Variants in SFSWAP observed in about 807,000 individuals in gnomAD.
SFSWAP encodes splicing factor, suppressor of white-apricot homolog.
In SFSWAP, 17 loss-of-function variants were observed where a neutral mutation model predicts 100.7. The ratio of observed to expected loss-of-function variants is 0.17; its 90% CI spans 0.12 to 0.25. SFSWAP has a LOEUF of 0.25. SFSWAP is among the 10% of genes least tolerant of loss of function. The pLI, the probability that SFSWAP is intolerant of heterozygous loss-of-function variation, is 1.00. For missense variants in SFSWAP, 1,005 were observed against 1,262.6 expected, an observed-to-expected ratio of 0.80 and a Z score of 3.09; for synonymous variants, 504 against 510.1, an observed-to-expected ratio of 0.99 and a Z score of 0.16.
intron 5 of SFSWAP, among the ~76,000 whole-genome samples, chr12:131,726,640 C>A (rs1438473586): frequency 6.6e-6 from 1 of 152,056 alleles, no homozygotes; most frequent in African/African-American, 2.4e-5. Flanking sequence ...TTTCATAAAT[C>A]AGTACAATTT....
chr12:131,748,313 A>G (rs936254118), intron 7 of SFSWAP, among the ~76,000 whole-genome samples: 12 of 151,162 alleles, frequency 7.9e-5, no homozygotes, highest in African/African-American at 2.9e-4. Context: ...CAGCCTCCCA[A>G]GTAGCTAATA....
chr12:131,783,370 T>A (rs1884638778), intron 14 of SFSWAP: 1 of 152,204 alleles, frequency 6.6e-6, no homozygotes, highest in Non-Finnish European at 1.5e-5. Context: ...TTTGCTAAGA[T>A]AGTCTCTTGT....
chr12:131,753,573 C>A (rs906439804), intron 8 of SFSWAP: 2 of 629,972 alleles, frequency 3.2e-6, no homozygotes, highest in Non-Finnish European at 5.3e-6. Flanking sequence ...TGAAGTTAAA[C>A]CACTTATAAA....
intron 13 of SFSWAP, among the ~76,000 whole-genome samples, chr12:131,768,988 G>A (rs1429365315): frequency 3.9e-5 from 6 of 152,122 alleles, no homozygotes; most frequent in East Asian, 1.9e-4. Flanking sequence ...TTAGCCGAGC[G>A]TGGTGGAGCA....
At chr12:131,747,755 G>A (rs1315119971) in intron 7 of SFSWAP, among the ~76,000 whole-genome samples, 1 of 152,204 alleles carries the variant, frequency 6.6e-6, no homozygotes, top group African/African-American at 2.4e-5. Context: ...GGAGAGGCAT[G>A]GGGAGAAATC....
intron 1 of SFSWAP, chr12:131,712,292 C>T (rs1301860566): frequency 2.0e-5 from 3 of 152,134 alleles, no homozygotes; most frequent in African/African-American, 4.8e-5. Context: ...TTTCTAAAGG[C>T]GTTTGATTTG....
chr12:131,759,657 C>T (rs1348276003), intron 11 of SFSWAP, among the ~76,000 whole-genome samples: 3 of 151,876 alleles, frequency 2.0e-5, no homozygotes, highest in Non-Finnish European at 4.4e-5. Context: ...AAAAATTAGC[C>T]GGGCGTGGTG....
intron 14 of SFSWAP, among the ~76,000 whole-genome samples, chr12:131,780,306 A>G (rs1566052554): frequency 6.6e-6 from 1 of 152,168 alleles, no homozygotes; most frequent in African/African-American, 2.4e-5. Flanking sequence ...TATATCTTCA[A>G]TTTTTGAAGG....
chr12:131,714,302 A>C lies in SFSWAP; in HGVS notation c.388+62A>C, dbSNP rs761766118. On this transcript the variant is annotated intron_variant, in intron 2 of 17. Coordinates refer to ENST00000261674, the MANE Select transcript of SFSWAP (RefSeq NM_004592.4). This position sits in a 1 kb window ranked among gnomAD's most constrained non-coding sequence, Gnocchi z 6.0. ...TTTTAAAATTTTTAAGTATTTAAAA[A>C]TTTACTCCCATTCATTTTTTTATAC... 622 of 1,364,942 alleles carry C rather than the reference A, an allele frequency of 4.6e-4. 2 individuals are homozygous for C. The highest frequency in any genetic ancestry group is 8.7e-5 in the Non-Finnish European group (86 of 993,004). The allele number at this position is 1,364,942 out of a possible 1,614,324, so 84.6% of individuals were successfully genotyped here.
chr12:131,747,139 C>T (rs1881211391), intron 7 of SFSWAP, among the ~76,000 whole-genome samples: 1 of 149,050 alleles, frequency 6.7e-6, no homozygotes, highest in African/African-American at 2.5e-5. Context: ...ATGCTCGTTA[C>T]CATTCTCTCC....
At chr12:131,713,974 A>ATG (rs1396315601) in intron 1 of SFSWAP, 97 bp from the exon 2 acceptor site, 8 of 728,380 alleles carry the variant, frequency 1.1e-5, no homozygotes, top group East Asian at 2.9e-5. Context: ...ATCGGTAAGT[A>ATG]TGTGTGTGTA....
Position 131,711,595 on chromosome 12 carries a change from T to C in SFSWAP, c.218+148T>C. 1 of 651,478 alleles carries C rather than the reference T, an allele frequency of 1.5e-6. No individual in the cohort carries two copies. The highest frequency in any genetic ancestry group is 2.8e-5 in the Admixed American group (1 of 36,200). The allele number at this position is 651,478 out of a possible 1,614,324, so 40.4% of individuals were successfully genotyped here. A position where few individuals can be genotyped will look rare whatever the true frequency, so the allele number is the denominator to read the frequency against. ...CCCCTCCCCTGTCCCCACCTCCTCC[T>C]GGTGTTCTGGTGGGGAGGGGGACGG... On this transcript the variant is annotated intron_variant, in intron 1 of 17. Coordinates refer to ENST00000261674, the MANE Select transcript of SFSWAP (RefSeq NM_004592.4). The surrounding 1 kb of genome is among the most constrained non-coding windows in gnomAD (Gnocchi z 4.9).
Position 131,778,375 on chromosome 12 carries a change from A to G in SFSWAP, c.2408+45A>G, listed in dbSNP as rs747598313. On this transcript the variant is annotated intron_variant, in intron 14 of 17. Transcript: ENST00000261674. This position sits in a 1 kb window ranked among gnomAD's most constrained non-coding sequence, Gnocchi z 4.2. ...CACCTCTGGTACCCTCATGACCCCCATGTCCTTCACAGGACACCCAGTAGA... is the reference window on the plus strand; with the variant it reads ...CACCTCTGGTACCCTCATGACCCCCGTGTCCTTCACAGGACACCCAGTAGA... 9 of 1,587,890 alleles carry G rather than the reference A, an allele frequency of 5.7e-6. No individual in the cohort carries two copies. Among genetic ancestry groups the G allele is most frequent in the Admixed American group, 1.8e-5 (1 of 54,358 alleles).
intron 16 of SFSWAP, among the ~76,000 whole-genome samples, chr12:131,798,279 G>T (rs180798835): frequency 3.7e-4 from 56 of 152,254 alleles, no homozygotes; most frequent in African/African-American, 1.3e-3. Context: ...ACATCAGCCT[G>T]GGTGACAGAG....
intron 14 of SFSWAP, 57 bp from the exon 15 acceptor site, chr12:131,786,406 A>G (rs1360103464): frequency 9.8e-6 from 15 of 1,531,426 alleles, no homozygotes; most frequent in African/African-American, 1.4e-5. Context: ...AGTAGGAAGC[A>G]TGACACGTCC....
chr12:131,757,897 C>T (rs1882323507), intron 11 of SFSWAP: 1 of 152,234 alleles, frequency 6.6e-6, no homozygotes, highest in Admixed American at 6.5e-5. Flanking sequence ...GGTTACTGCT[C>T]TAGAAACCCG....
intron 7 of SFSWAP, among the ~76,000 whole-genome samples, chr12:131,739,664 G>C (rs1880415909): frequency 6.8e-6 from 1 of 146,286 alleles, no homozygotes; most frequent in Admixed American, 7.0e-5. Context: ...TTCTGCCTCA[G>C]CCTCCCGAGC....
chr12:131,744,616 T>G (rs1179368335), intron 7 of SFSWAP, among the ~76,000 whole-genome samples: 7 of 152,352 alleles, frequency 4.6e-5, no homozygotes, highest in Admixed American at 1.3e-4. Flanking sequence ...TGTCTTCTTT[T>G]GAGCCCTCCA....
At chr12:131,780,509 G>A (rs1386007206) in intron 14 of SFSWAP, among the ~76,000 whole-genome samples, 5 of 151,936 alleles carry the variant, frequency 3.3e-5, no homozygotes, top group Non-Finnish European at 7.4e-5. Context: ...TTTTTAATTA[G>A]CCAGGCATGG....
Sources: allele counts gnomAD v4.1 joint callset (sites outside exome capture counted in the v4.1 genomes callset), GRCh38; gene constraint gnomAD v4.1.1; non-coding constraint Gnocchi (gnomAD v3.1); transcripts MANE v1.5; gene names NCBI Gene and HGNC (gene_info 2026-07-23, HGNC 2026-07-21).